Variants in BCAS3 observed in about 807,000 individuals in gnomAD.
The protein encoded by BCAS3 is BCAS3 microtubule associated cell migration factor.
A neutral mutation model predicts 116.1 loss-of-function variants in BCAS3; 53 were observed. The observed-to-expected ratio is 0.46, with a 90% CI of 0.37 to 0.57. The LOEUF is 0.57. Among genes scored for constraint, BCAS3 ranks in the 20% least tolerant of loss-of-function variants. The pLI is 0.00. For missense variants in BCAS3, 917 were observed against 1,165.4 expected, an observed-to-expected ratio of 0.79 and a Z score of 3.10; for synonymous variants, 391 against 408.2, an observed-to-expected ratio of 0.96 and a Z score of 0.51.
chr17:60,856,697 TAA>T (rs1036086793), intron 7 of BCAS3, among the ~76,000 whole-genome samples: 1 of 149,122 alleles, frequency 6.7e-6, no homozygotes, highest in Non-Finnish European at 1.5e-5. Context: ...TCCAAAAAAA[TAA>T]AAAAAAAATT....
chr17:61,201,702 A>T (rs117462610), intron 22 of BCAS3, among the ~76,000 whole-genome samples: 2,564 of 152,208 alleles, frequency 0.017, 37 homozygotes, highest in South Asian at 0.038. Flanking sequence ...ATGGGCTTTT[A>T]AAAAAGCCTT....
chr17:60,839,601 T>C (rs539169079), intron 7 of BCAS3, among the ~76,000 whole-genome samples: 1 of 152,314 alleles, frequency 6.6e-6, no homozygotes, highest in South Asian at 2.1e-4. Context: ...ACGTTTCCAT[T>C]TTCTTTTCTT....
chr17:61,275,332 A>G (rs2050676840), intron 22 of BCAS3, among the ~76,000 whole-genome samples: 1 of 152,220 alleles, frequency 6.6e-6, no homozygotes, highest in African/African-American at 2.4e-5. Context: ...ATGGAAGTAT[A>G]TAGAATAAAG....
At chr17:61,252,440 G>A (rs1272832809) in intron 22 of BCAS3, among the ~76,000 whole-genome samples, 1 of 152,192 alleles carries the variant, frequency 6.6e-6, no homozygotes, top group Admixed American at 6.5e-5. Flanking sequence ...CATGTCACAA[G>A]CCAGCCAGGA....
intron 22 of BCAS3, among the ~76,000 whole-genome samples, chr17:61,179,868 C>T (rs976722391): frequency 3.5e-5 from 4 of 113,102 alleles, no homozygotes; most frequent in Admixed American, 1.0e-4. Flanking sequence ...TTTTCTCTCT[C>T]TCTCTCTTTT....
At chr17:61,081,758 A>G (rs1016096289) in intron 21 of BCAS3, among the ~76,000 whole-genome samples, 3 of 152,112 alleles carry the variant, frequency 2.0e-5, no homozygotes, top group African/African-American at 7.2e-5. Context: ...TAGAAACCCA[A>G]CTATTGAGAT....
At chr17:61,245,133 G>A (rs141450025) in intron 22 of BCAS3, 25 of 152,346 alleles carry the variant, frequency 1.6e-4, no homozygotes, top group African/African-American at 4.6e-4. Flanking sequence ...GGCGGAAGGG[G>A]AAGCAAACAC....
chr17:60,974,763 A>G (rs1055875228), intron 14 of BCAS3, among the ~76,000 whole-genome samples: 1 of 152,224 alleles, frequency 6.6e-6, no homozygotes, highest in Non-Finnish European at 1.5e-5. Context: ...GTAATACTGT[A>G]TTTGTATCTC....
Position 61,282,793 on chromosome 17 carries a change from CA to C in BCAS3, c.2426-85530del, listed in dbSNP as rs1411319219. On this transcript the variant is annotated intron_variant, in intron 22 of 23. Transcript: ENST00000407086. The surrounding 1 kb of genome is among the most constrained non-coding windows in gnomAD (Gnocchi z 5.9). The stretch of plus-strand genomic sequence containing the variant: ...ACATTGCATCATCCCTTTATCTACC[CA>C]AAATGTGAATTTTAAACATTTTTTA... 6.6e-5 allele frequency among the ~76,000 whole-genome samples: 10 copies of C among 152,168 alleles called. No individual in the cohort carries two copies. Among genetic ancestry groups the C allele is most frequent in the African/African-American group, 2.4e-4 (10 of 41,516 alleles).
At chr17:61,146,489 A>G (rs1437560123) in intron 22 of BCAS3, among the ~76,000 whole-genome samples, 6 of 152,154 alleles carry the variant, frequency 3.9e-5, no homozygotes, top group African/African-American at 1.4e-4. Context: ...CTTACTGTTT[A>G]AAATGACTGA....
rs531033261 is a variant in BCAS3 at position 60,995,982 on chromosome 17, A to G, written c.1486+5747A>G. The stretch of plus-strand genomic sequence containing the variant: ...TCTGGTGGAAGTAAGAGAGAAATTC[A>G]TATAGAACAGCCTGTGTAAAATCCT... On this transcript the variant is annotated intron_variant, in intron 15 of 23. Transcript: ENST00000407086. The surrounding 1 kb of genome is among the most constrained non-coding windows in gnomAD (Gnocchi z 4.7). Among the ~76,000 whole-genome samples, 12 of 152,346 alleles carry G rather than the reference A, an allele frequency of 7.9e-5. No individual in the cohort carries two copies. The highest frequency in any genetic ancestry group is 7.3e-5 in the Non-Finnish European group (5 of 68,036).
chr17:61,080,660 T>C (rs1233551179), intron 21 of BCAS3, among the ~76,000 whole-genome samples: 2 of 152,096 alleles, frequency 1.3e-5, no homozygotes, highest in African/African-American at 4.8e-5. Flanking sequence ...CTCGGGAGGC[T>C]GCGGCAGGAG....
intron 22 of BCAS3, among the ~76,000 whole-genome samples, chr17:61,169,059 C>T (rs578202990): frequency 2.0e-5 from 3 of 152,150 alleles, no homozygotes; most frequent in South Asian, 2.1e-4. Flanking sequence ...GAGCAATATA[C>T]AAGGATTCTC....
In BCAS3 at chr17:61,041,738, A is replaced by G. The variant is rs552173417; in HGVS notation, c.2029+846A>G. On this transcript the variant is annotated intron_variant, in intron 19 of 23. Coordinates refer to ENST00000407086, the MANE Select transcript of BCAS3 (RefSeq NM_017679.5). This position sits in a 1 kb window ranked among gnomAD's most constrained non-coding sequence, Gnocchi z 4.7. ...TTATCTTTATAATGTGCTATATATTATACTGGAAACAGAAATATTTTATAG... is the reference window on the plus strand; with the variant it reads ...TTATCTTTATAATGTGCTATATATTGTACTGGAAACAGAAATATTTTATAG... Among the ~76,000 whole-genome samples the G allele has an allele frequency of 1.3e-5, 2 of 152,176 alleles. No individual in the cohort carries two copies. Among genetic ancestry groups the G allele is most frequent in the South Asian group, 4.2e-4 (2 of 4,810 alleles).
intron 19 of BCAS3, among the ~76,000 whole-genome samples, chr17:61,066,627 A>G (rs1303953845): frequency 1.3e-5 from 2 of 152,196 alleles, no homozygotes; most frequent in Admixed American, 1.3e-4. Flanking sequence ...TTAATATGTT[A>G]ATGATAAATA....
rs2082395189 is a variant in BCAS3, at chr17:61,226,828, T to A, written c.2426-141499T>A. ...GCTGTTACTGTATCACATTTACGTA[T>A]TAGGGAACTGAGCTTCAGAGAGAAC... On this transcript the variant is annotated intron_variant, in intron 22 of 23. Coordinates refer to ENST00000407086, the MANE Select transcript of BCAS3 (RefSeq NM_017679.5). The surrounding 1 kb of genome is among the most constrained non-coding windows in gnomAD (Gnocchi z 6.0). 1.3e-5 allele frequency among the ~76,000 whole-genome samples: 2 copies of A among 152,220 alleles called. No individual in the cohort carries two copies. Among genetic ancestry groups the A allele is most frequent in the Admixed American group, 1.3e-4 (2 of 15,294 alleles).
intron 5 of BCAS3, among the ~76,000 whole-genome samples, chr17:60,740,711 G>A (rs980425203): frequency 6.6e-6 from 1 of 151,992 alleles, no homozygotes; most frequent in Non-Finnish European, 1.5e-5. Flanking sequence ...GAGACAGAAA[G>A]GTAAGAGGAG....
At position 61,041,176 on chromosome 17, in the gene BCAS3, C is replaced by G. The variant is rs2034763861; in HGVS notation, c.2029+284C>G. 6.6e-6 allele frequency among the ~76,000 whole-genome samples: 1 copy of G among 151,654 alleles called. No individual in the cohort carries two copies. Among genetic ancestry groups the G allele is most frequent in the African/African-American group, 2.4e-5 (1 of 41,310 alleles). ...CAAAAATTCAAACAAACATAAAAAC[C>G]ACCACCTGAAAATGCTAGGATATAA... On this transcript the variant is annotated intron_variant, in intron 19 of 23. Coordinates refer to ENST00000407086, the MANE Select transcript of BCAS3 (RefSeq NM_017679.5). This position sits in a 1 kb window ranked among gnomAD's most constrained non-coding sequence, Gnocchi z 4.7.
intron 7 of BCAS3, among the ~76,000 whole-genome samples, chr17:60,848,031 T>G (rs888667776): frequency 1.3e-5 from 2 of 152,206 alleles, no homozygotes; most frequent in South Asian, 4.1e-4. Context: ...CAGAGAAATA[T>G]CTACTTGTCC....
Sources: allele counts gnomAD v4.1 joint callset (sites outside exome capture counted in the v4.1 genomes callset), GRCh38; gene constraint gnomAD v4.1.1; non-coding constraint Gnocchi (gnomAD v3.1); transcripts MANE v1.5; gene names NCBI Gene and HGNC (gene_info 2026-07-23, HGNC 2026-07-21).